The following GPC6 variants were observed in gnomAD, a reference collection of about 807,000 sequenced individuals.
The protein encoded by GPC6 is glypican-6.
In GPC6, 14 loss-of-function variants were observed where a neutral mutation model predicts 55.2. The ratio of observed to expected loss-of-function variants is 0.25; its 90% CI spans 0.17 to 0.40. GPC6 has a LOEUF of 0.40. Ranked by LOEUF, GPC6 falls within the 10% of genes least tolerant of loss-of-function variation. GPC6 has a pLI of 1.00. For missense variants in GPC6, 641 were observed against 708.5 expected (o/e 0.90, Z 1.08); for synonymous variants, 278 against 259.6 (o/e 1.07, Z -0.68).
chr13:94,248,798 T>C (rs1458496541), intron 4 of GPC6, among the ~76,000 whole-genome samples: 3 of 152,108 alleles, frequency 2.0e-5, no homozygotes, highest in Non-Finnish European at 4.4e-5. Context: ...CATAGGGATA[T>C]TGAAGTACTA....
intron 1 of GPC6, among the ~76,000 whole-genome samples, chr13:93,312,508 T>C (rs927533752): frequency 2.0e-5 from 3 of 152,194 alleles, no homozygotes; most frequent in African/African-American, 7.2e-5. Context: ...AGTATCCTGC[T>C]TTCTTTTTTT....
chr13:93,790,973 T>C (rs1886013399), intron 2 of GPC6, among the ~76,000 whole-genome samples: 2 of 152,216 alleles, frequency 1.3e-5, no homozygotes, highest in South Asian at 4.1e-4. Flanking sequence ...TGAATCATGC[T>C]ATTTCAGAGG....
chr13:93,797,221 C>T (rs1886224658), intron 2 of GPC6, among the ~76,000 whole-genome samples: 1 of 152,174 alleles, frequency 6.6e-6, no homozygotes, highest in South Asian at 2.1e-4. Flanking sequence ...TTCTGCATTT[C>T]TAACAGGCTC....
chr13:93,762,059 T>C (rs2138878247), intron 2 of GPC6, among the ~76,000 whole-genome samples: 1 of 152,276 alleles, frequency 6.6e-6, no homozygotes, highest in East Asian at 1.9e-4. Context: ...CCTCTGGTAA[T>C]CACTGTTCTA....
intron 1 of GPC6, among the ~76,000 whole-genome samples, chr13:93,231,373 ATATATACATATATATATATATATG>A (rs1876026828): frequency 1.7e-4 from 3 of 17,354 alleles, no homozygotes; most frequent in Non-Finnish European, 3.0e-4. Context: ...ATATATATAT[ATATATACATATATATATATATATG>A]TATATATATA....
chr13:94,289,596 C>A (rs1874843891), intron 5 of GPC6, among the ~76,000 whole-genome samples: 2 of 152,208 alleles, frequency 1.3e-5, no homozygotes, highest in Non-Finnish European at 2.9e-5. Flanking sequence ...GAATTTGTGG[C>A]ACAGTGTGGA....
intron 1 of GPC6, among the ~76,000 whole-genome samples, chr13:93,409,475 G>C (rs1275241878): frequency 1.3e-5 from 2 of 152,094 alleles, no homozygotes; most frequent in Non-Finnish European, 2.9e-5. Context: ...TCTTGGACTT[G>C]ATTCCCATAA....
At chr13:94,007,164 C>T (rs1402073555) in intron 3 of GPC6, among the ~76,000 whole-genome samples, 1 of 152,152 alleles carries the variant, frequency 6.6e-6, no homozygotes, top group African/African-American at 2.4e-5. Flanking sequence ...TCATCTGACA[C>T]GAGTGGTTAC....
chr13:94,121,897 CA>C (rs1886644551), intron 4 of GPC6, among the ~76,000 whole-genome samples: 1 of 152,080 alleles, frequency 6.6e-6, no homozygotes, highest in South Asian at 2.1e-4. Context: ...TCCTCCTACC[CA>C]ACCACTCATT....
At chr13:94,048,088 G>A (rs1233871988) in intron 4 of GPC6, among the ~76,000 whole-genome samples, 1 of 151,798 alleles carries the variant, frequency 6.6e-6, no homozygotes. Context: ...GTTAATTTTG[G>A]TTAGAGTCAT....
intron 2 of GPC6, among the ~76,000 whole-genome samples, chr13:93,614,114 A>C (rs1428762701): frequency 6.6e-6 from 1 of 152,214 alleles, no homozygotes; most frequent in Admixed American, 6.5e-5. Flanking sequence ...TGTTTTGATT[A>C]GACAGCAAAT....
rs570112393 is a variant in GPC6, at chr13:93,227,755, C to G, written c.160+139C>G. ...CCACCGCTATGGGACTCCGCGTCTCCGTGTTGGGCGGCGGATGCTCCTGCG... is the reference window on the plus strand; with the variant it reads ...CCACCGCTATGGGACTCCGCGTCTCGGTGTTGGGCGGCGGATGCTCCTGCG... On this transcript the variant is annotated intron_variant, in intron 1 of 8. Transcript: ENST00000377047. This position sits in a 1 kb window ranked among gnomAD's most constrained non-coding sequence, Gnocchi z 4.3. 26 of 670,412 alleles carry G rather than the reference C, an allele frequency of 3.9e-5. No homozygotes were observed. The highest frequency in any genetic ancestry group is 4.2e-4 in the Middle Eastern group (1 of 2,368). The allele number at this position is 670,412 out of a possible 1,614,324, so 41.5% of individuals were successfully genotyped here. A position where few individuals can be genotyped will look rare whatever the true frequency, so the allele number is the denominator to read the frequency against.
chr13:94,278,415 G>A (rs1215673482), intron 4 of GPC6, among the ~76,000 whole-genome samples: 1 of 151,948 alleles, frequency 6.6e-6, no homozygotes, highest in African/African-American at 2.4e-5. Context: ...CTTTCTATTT[G>A]AGTATGTTTA....
intron 3 of GPC6, among the ~76,000 whole-genome samples, chr13:93,877,241 G>A (rs1386066850): frequency 6.6e-6 from 1 of 151,762 alleles, no homozygotes; most frequent in Non-Finnish European, 1.5e-5. Context: ...ATATGGATAC[G>A]GCCTATTTTA....
intron 3 of GPC6, among the ~76,000 whole-genome samples, chr13:93,951,790 AT>A (rs774194204): frequency 6.6e-6 from 1 of 151,996 alleles, no homozygotes; most frequent in African/African-American, 2.4e-5. Context: ...AAAATCTTGA[AT>A]TTTTTTTATA....
At chr13:93,401,243 A>G (rs953452881) in intron 1 of GPC6, among the ~76,000 whole-genome samples, 8 of 151,636 alleles carry the variant, frequency 5.3e-5, no homozygotes, top group African/African-American at 1.9e-4. Flanking sequence ...TACCTGGAAT[A>G]GCACTTGGCA....
At chr13:93,543,122 C>T (rs1017595892) in intron 1 of GPC6, among the ~76,000 whole-genome samples, 2 of 136,854 alleles carry the variant, frequency 1.5e-5, no homozygotes, top group African/African-American at 2.8e-5. Context: ...GGGAATGCTT[C>T]CAGTTTTAGC....
intron 1 of GPC6, among the ~76,000 whole-genome samples, chr13:93,288,463 T>C (rs1200485669): frequency 6.6e-6 from 1 of 152,186 alleles, no homozygotes; most frequent in Non-Finnish European, 1.5e-5. Flanking sequence ...TTCTTTTTTT[T>C]CTTTCTGTTT....
chr13:93,610,983 T>A (rs1333166240), intron 2 of GPC6, among the ~76,000 whole-genome samples: 2 of 152,144 alleles, frequency 1.3e-5, no homozygotes. Context: ...CAATTAACAC[T>A]ACACAACTAT....
Sources: gnomAD v4.1 joint callset for allele counts (sites outside exome capture counted in the v4.1 genomes callset) on GRCh38, gnomAD v4.1.1 for gene constraint, Gnocchi (gnomAD v3.1) non-coding constraint, MANE v1.5 for transcripts, NCBI Gene and HGNC (gene_info 2026-07-23, HGNC 2026-07-21) for gene names.